ZNF609: variants seen among roughly 807,000 people sequenced by gnomAD.
ZNF609 encodes the protein zinc finger protein 609.
A neutral mutation model predicts 109.5 loss-of-function variants in ZNF609; 11 were observed. That is an observed-to-expected ratio of 0.10 (90% confidence interval 0.06 to 0.17). The LOEUF is 0.17. ZNF609 is among the 10% of genes least tolerant of loss of function. The pLI, the probability that ZNF609 is intolerant of heterozygous loss-of-function variation, is 1.00. For missense variants in ZNF609, 1,559 were observed against 1,772.4 expected, an observed-to-expected ratio of 0.88 and a Z score of 2.16; for synonymous variants, 646 against 662.0, an observed-to-expected ratio of 0.98 and a Z score of 0.37.
chr15:64,493,760 T>G (rs1893446567), intron 1 of ZNF609, among the ~76,000 whole-genome samples: 2 of 152,228 alleles, frequency 1.3e-5, no homozygotes, highest in African/African-American at 2.4e-5. Context: ...AAGATATTGG[T>G]TCTCCTGATT....
At chr15:64,672,877 C>G (rs1415663428) in intron 4 of ZNF609, among the ~76,000 whole-genome samples, 1 of 151,394 alleles carries the variant, frequency 6.6e-6, no homozygotes, top group African/African-American at 2.4e-5. Context: ...GGCAGGAGAA[C>G]CACTTGAACT....
intron 1 of ZNF609, among the ~76,000 whole-genome samples, chr15:64,481,337 T>G (rs1161483513): frequency 4.9e-5 from 7 of 143,248 alleles, no homozygotes; most frequent in Non-Finnish European, 9.1e-5. Context: ...TTTTTTTTTT[T>G]GAGACGGAGT....
At chr15:64,626,675 A>G (rs542894743) in intron 3 of ZNF609, among the ~76,000 whole-genome samples, 3 of 152,214 alleles carry the variant, frequency 2.0e-5, no homozygotes, top group Non-Finnish European at 4.4e-5. Flanking sequence ...TTCTTTGCCT[A>G]CTTGTCCTAC....
chr15:64,642,477 G>A (rs900712939), intron 3 of ZNF609, among the ~76,000 whole-genome samples: 8 of 151,918 alleles, frequency 5.3e-5, no homozygotes, highest in South Asian at 4.2e-4. Flanking sequence ...GAGCCACCAC[G>A]CCCAGCCAGT....
At chr15:64,494,827 A>G (rs1220913828) in intron 1 of ZNF609, among the ~76,000 whole-genome samples, 1 of 152,094 alleles carries the variant, frequency 6.6e-6, no homozygotes, top group African/African-American at 2.4e-5. Context: ...GCCTGGCATC[A>G]TCATATATTT....
chr15:64,547,722 G>T (rs1281891574), intron 2 of ZNF609, among the ~76,000 whole-genome samples: 1 of 151,632 alleles, frequency 6.6e-6, no homozygotes, highest in Non-Finnish European at 1.5e-5. Context: ...TAGTGCTTGG[G>T]ATACATCAGT....
intron 6 of ZNF609, among the ~76,000 whole-genome samples, chr15:64,679,192 C>T (rs960670339): frequency 2.6e-5 from 4 of 152,194 alleles, no homozygotes; most frequent in African/African-American, 7.2e-5. Flanking sequence ...CCTGCCTCAG[C>T]TTCCCAAGTA....
intron 2 of ZNF609, among the ~76,000 whole-genome samples, chr15:64,530,988 C>T (rs1595709227): frequency 6.6e-6 from 1 of 152,210 alleles, no homozygotes; most frequent in African/African-American, 2.4e-5. Context: ...GTAACAAAAT[C>T]ACTTTTTCCT....
rs1397695008 is a variant in ZNF609 at position 64,683,842 on chromosome 15, A to G, written c.*2156A>G. 2 of 152,338 alleles carry G rather than the reference A, an allele frequency of 1.3e-5. No individual in the cohort carries two copies. Among genetic ancestry groups the G allele is most frequent in the East Asian group, 3.9e-4 (2 of 5,194 alleles). 9.4% of individuals were successfully genotyped at this position (152,338 alleles called of 1,614,324 possible). On this transcript the variant is annotated 3_prime_UTR_variant, in exon 10 of 10. Coordinates refer to ENST00000326648, the MANE Select transcript of ZNF609 (RefSeq NM_015042.2). Reference sequence around the variant, plus strand: ...TATATATTGTAAAGAAACCGTTAGGAGTAATTTTCTTTTGCATTGGGCAGG... The same window carrying G: ...TATATATTGTAAAGAAACCGTTAGGGGTAATTTTCTTTTGCATTGGGCAGG...
At chr15:64,531,216 A>T (rs913918705) in intron 2 of ZNF609, among the ~76,000 whole-genome samples, 1 of 152,250 alleles carries the variant, frequency 6.6e-6, no homozygotes, top group South Asian at 2.1e-4. Flanking sequence ...TAATAGCTTT[A>T]TATTGAGTAC....
chr15:64,529,428 T>C, intron 2 of ZNF609: 1 of 812,502 alleles, frequency 1.2e-6, no homozygotes, highest in Non-Finnish European at 2.1e-6. Context: ...TTTGGAGGGA[T>C]CTTGGTCCTG....
At chr15:64,600,222 T>C (rs935558976) in intron 2 of ZNF609, among the ~76,000 whole-genome samples, 1 of 151,018 alleles carries the variant, frequency 6.6e-6, no homozygotes, top group Non-Finnish European at 1.5e-5. Flanking sequence ...AGGCCAAGGC[T>C]GGCGGATCAC....
chr15:64,605,639 A>G (rs1895581845), intron 2 of ZNF609, among the ~76,000 whole-genome samples: 1 of 152,194 alleles, frequency 6.6e-6, no homozygotes, highest in Non-Finnish European at 1.5e-5. Flanking sequence ...TTTATTTTGC[A>G]GAAGAGGAAA....
chr15:64,603,766 C>T (rs137904332), intron 2 of ZNF609, among the ~76,000 whole-genome samples: 2 of 151,350 alleles, frequency 1.3e-5, no homozygotes, highest in African/African-American at 2.4e-5. Flanking sequence ...TTTGGGAGGC[C>T]GAGGCAGGTG....
intron 2 of ZNF609, among the ~76,000 whole-genome samples, chr15:64,582,720 TTTC>T (rs1334167044): frequency 6.8e-5 from 3 of 44,344 alleles, no homozygotes; most frequent in Non-Finnish European, 1.4e-4. Context: ...TTCTTTCTTT[TTTC>T]TTTTTTTTTT....
intron 2 of ZNF609, among the ~76,000 whole-genome samples, chr15:64,542,553 A>G (rs955289772): frequency 6.6e-6 from 1 of 152,206 alleles, no homozygotes; most frequent in African/African-American, 2.4e-5. Flanking sequence ...CATTCATTAT[A>G]TTTTAATCAG....
At chr15:64,557,836 A>G (rs1894614780) in intron 2 of ZNF609, among the ~76,000 whole-genome samples, 1 of 151,978 alleles carries the variant, frequency 6.6e-6, no homozygotes. Flanking sequence ...AGCTGGGACT[A>G]CAGGCGCCCA....
At chr15:64,475,593 A>G (rs1566993209) in intron 1 of ZNF609, among the ~76,000 whole-genome samples, 1 of 151,558 alleles carries the variant, frequency 6.6e-6, no homozygotes, top group Non-Finnish European at 1.5e-5. Context: ...GAGTTTCACC[A>G]TCTTGGCCAG....
At position 64,567,353 on chromosome 15, in the gene ZNF609, G is replaced by A. The variant is rs562795282; in HGVS notation, c.748-55474G>A. On this transcript the variant is annotated intron_variant, in intron 2 of 9. Transcript: ENST00000326648. The stretch of plus-strand genomic sequence containing the variant: ...AAAAATTAGCTGGACGTGGTGGTGC[G>A]CACCTGTAGTCTCAGCTACTCTGGA... 4.0e-5 allele frequency among the ~76,000 whole-genome samples: 6 copies of A among 151,828 alleles called. No individual in the cohort carries two copies. The South Asian group carries it at 1.0e-3, about 26-fold the overall frequency.
Sources: gnomAD v4.1 joint callset for allele counts (sites outside exome capture counted in the v4.1 genomes callset) on GRCh38, gnomAD v4.1.1 for gene constraint, MANE v1.5 for transcripts, NCBI Gene and HGNC (gene_info 2026-07-23, HGNC 2026-07-21) for gene names.